Variants in RACGAP1 observed in about 807,000 individuals in gnomAD.
RACGAP1 encodes the protein Rac GTPase activating protein 1, also known as rac GTPase-activating protein 1.
In RACGAP1, 30 loss-of-function variants were observed where a neutral mutation model predicts 78.1. The ratio of observed to expected loss-of-function variants is 0.38; its 90% CI spans 0.29 to 0.52. The LOEUF (loss-of-function observed/expected upper bound fraction) is 0.52. RACGAP1 is among the 20% of genes least tolerant of loss of function. RACGAP1 has a pLI of 0.82. For missense variants in RACGAP1, 587 were observed against 777.1 expected (o/e 0.76, Z 2.91); for synonymous variants, 231 against 264.8 (o/e 0.87, Z 1.24).
At chr12:50,024,491 C>T (rs1950177301) in intron 1 of RACGAP1, among the ~76,000 whole-genome samples, 1 of 152,098 alleles carries the variant, frequency 6.6e-6, no homozygotes, top group Admixed American at 6.5e-5. Flanking sequence ...ATAATACACA[C>T]TGGAGAATAC....
chr12:50,005,811 T>G (rs141404478), intron 3 of RACGAP1, among the ~76,000 whole-genome samples: 1 of 152,324 alleles, frequency 6.6e-6, no homozygotes, highest in East Asian at 1.9e-4. Flanking sequence ...AAAGCTATAA[T>G]GCACTGGAAC....
At chr12:50,004,977 G>A (rs1366721094) in intron 4 of RACGAP1, among the ~76,000 whole-genome samples, 1 of 152,154 alleles carries the variant, frequency 6.6e-6, no homozygotes. Context: ...GGGTTTCTTA[G>A]CAATGCACAG....
intron 1 of RACGAP1, among the ~76,000 whole-genome samples, chr12:50,022,373 G>A (rs569310125): frequency 1.2e-4 from 19 of 152,236 alleles, no homozygotes; most frequent in African/African-American, 4.1e-4. Flanking sequence ...ACCTTAGGTC[G>A]GCAGTTTGAG....
chr12:49,991,479 A>ATATATATATATATATTTTTT (rs1555169074), intron 15 of RACGAP1, among the ~76,000 whole-genome samples: 1 of 24,090 alleles, frequency 4.2e-5, no homozygotes, highest in African/African-American at 1.4e-4. Context: ...ATATATATAT[A>ATATATATATATATATTTTTT]TTTTTTTTTT....
At chr12:50,006,741 A>G in intron 2 of RACGAP1, 105 bp from the exon 3 acceptor site, 1 of 1,165,156 alleles carries the variant, frequency 8.6e-7, no homozygotes, top group Non-Finnish European at 1.2e-6. Flanking sequence ...TAATTAAGGA[A>G]CCAGCTGAAC....
chr12:50,031,831 G>A, exon 2 of RACGAP1: 18 of 825,062 alleles, frequency 2.2e-5, no homozygotes, highest in Non-Finnish European at 2.6e-5. Flanking sequence ...ACTGTTACAC[G>A]GCCTTTCACA....
Position 49,989,294 on chromosome 12 carries a change from C to T in RACGAP1, c.*974G>A, listed in dbSNP as rs1205917142. ...TTACAGACATTAAGAATAATTTTAA[C>T]AGAAGAAAAAGCTCACATCTATCTA... On this transcript the variant is annotated 3_prime_UTR_variant, in exon 17 of 17. Transcript: ENST00000312377. 1 of 152,048 alleles carries T rather than the reference C, an allele frequency of 6.6e-6. No individual in the cohort carries two copies. The highest frequency in any genetic ancestry group is 2.4e-5 in the African/African-American group (1 of 41,382). 9.4% of individuals were successfully genotyped at this position (152,048 alleles called of 1,614,324 possible).
intron 1 of RACGAP1, among the ~76,000 whole-genome samples, chr12:50,032,074 A>G (rs1950340881): frequency 6.6e-6 from 1 of 152,032 alleles, no homozygotes; most frequent in Admixed American, 6.6e-5. Flanking sequence ...TTAACCTGGG[A>G]GGCAGAGGTT....
chr12:50,031,478 CAAAAA>C (rs56229939), intron 2 of RACGAP1, among the ~76,000 whole-genome samples: 32 of 71,898 alleles, frequency 4.5e-4, no homozygotes, highest in African/African-American at 1.4e-3. Flanking sequence ...GACTCCATCT[CAAAAA>C]AAAAAAAAAA....
chr12:50,016,681 A>C lies in RACGAP1; in HGVS notation c.35T>G (p.Phe12Cys). 1 of 1,614,054 alleles carries C rather than the reference A, an allele frequency of 6.2e-7. No homozygotes were observed. Residue 12 changes from phenylalanine (F) to cysteine (C), a missense_variant, in exon 2 of 17, where the codon TTT (phenylalanine) becomes TGT (cysteine). Phe to Cys is a radical substitution (Grantham distance 205). Transcript: ENST00000312377. ...DTMMLNVRNL[F>C]EQLVRRVEIL... ...CTCCACCCGGCGCACAAGCTGCTCA[A>C]ACAGATTCCGCACATTCAGCATCAT...
Position 49,997,064 on chromosome 12 carries a change from T to C in RACGAP1, c.1020A>G (p.Ile340Met), listed in dbSNP as rs1255048904. The C allele has an allele frequency of 6.4e-7, 1 of 1,563,458 alleles. No homozygotes were observed. ...CCTCTCCAATCTTGACAGGTGTTCC[T>C]ATCAGGGTAGGAATGCAGGGAAGGG... ...RCPLPCIPTLIGTPVKIGEGM... is the reference protein window; with the variant it reads ...RCPLPCIPTLMGTPVKIGEGM... Residue 340 changes from isoleucine (I) to methionine (M), a missense_variant, in exon 10 of 17, where the codon ATA (isoleucine) becomes ATG (methionine). Ile to Met is a conservative substitution (Grantham distance 10). Coordinates refer to ENST00000312377, the MANE Select transcript of RACGAP1 (RefSeq NM_001319999.2).
intron 9 of RACGAP1, among the ~76,000 whole-genome samples, chr12:49,998,660 G>A (rs779458230): frequency 7.0e-4 from 106 of 152,076 alleles, no homozygotes; most frequent in Admixed American, 5.2e-4. Flanking sequence ...AGGACTTTGG[G>A]AGCTGAGGCA....
At chr12:50,001,287 C>G in intron 6 of RACGAP1, 35 bp from the exon 7 acceptor site, 1 of 1,507,554 alleles carries the variant, frequency 6.6e-7, no homozygotes, top group South Asian at 1.1e-5. Flanking sequence ...ACTTTAATGC[C>G]AAGCAGATCT....
chr12:49,997,604 G>C (rs553217571), intron 9 of RACGAP1, among the ~76,000 whole-genome samples: 1 of 145,092 alleles, frequency 6.9e-6, no homozygotes, highest in Admixed American at 7.0e-5. Context: ...ACAGAGTTTC[G>C]CTCTTGTTGC....
intron 2 of RACGAP1, among the ~76,000 whole-genome samples, chr12:50,015,570 G>C (rs1252432156): frequency 1.3e-5 from 2 of 152,106 alleles, no homozygotes; most frequent in Non-Finnish European, 2.9e-5. Context: ...GGGAGGCCGA[G>C]GCGGGCAGAT....
At chr12:50,028,086 T>C (rs1426957677), upstream of RACGAP1, among the ~76,000 whole-genome samples, 1 of 152,138 alleles carries the variant, frequency 6.6e-6, no homozygotes, top group African/African-American at 2.4e-5. Flanking sequence ...GATTTGTCTT[T>C]GGATAGAACA....
chr12:50,029,324 T>G (rs1950309739), upstream of RACGAP1, among the ~76,000 whole-genome samples: 1 of 151,808 alleles, frequency 6.6e-6, no homozygotes, highest in African/African-American at 2.4e-5. Context: ...AGGCAGAGGT[T>G]GCAGTGAGCT....
At chr12:50,004,458 T>C (rs1015387543) in intron 4 of RACGAP1, among the ~76,000 whole-genome samples, 154 bp from the exon 5 acceptor site, 6 of 152,236 alleles carry the variant, frequency 3.9e-5, no homozygotes, top group Non-Finnish European at 8.8e-5. Context: ...AACCCTGTGG[T>C]AGGCTACTTT....
rs144941231 is a variant in RACGAP1 at position 49,992,123 on chromosome 12, C to A, written c.1589G>T (p.Arg530Leu). ...DIKRQPKVVE[R>L]LLSLPLEYWS... ...ATACTCCAGAGGCAAGGAAAGCAGG[C>A]GCTCAACCACCTAAAAGCCAGCAAA... is the stretch of plus-strand genomic sequence containing the variant. Residue 530 changes from arginine (R) to leucine (L), a missense_variant, in exon 15 of 17, where the codon CGC becomes CTC. Arg to Leu is a moderately radical substitution (Grantham distance 102). Transcript: ENST00000312377. 14 of 1,613,512 alleles carry A rather than the reference C, an allele frequency of 8.7e-6. No individual in the cohort carries two copies. Among genetic ancestry groups the A allele is most frequent in the Non-Finnish European group, 1.2e-5 (14 of 1,179,896 alleles).
Sources: allele counts gnomAD v4.1 joint callset (sites outside exome capture counted in the v4.1 genomes callset), GRCh38; gene constraint gnomAD v4.1.1; transcripts MANE v1.5; gene names NCBI Gene and HGNC (gene_info 2026-07-23, HGNC 2026-07-21).